The following ADIPOR1 variants were observed in gnomAD, a reference collection of about 807,000 sequenced individuals.
The protein encoded by ADIPOR1 is adiponectin receptor protein 1.
A neutral mutation model predicts 37.5 loss-of-function variants in ADIPOR1; 15 were observed. That is an observed-to-expected ratio of 0.40 (90% confidence interval 0.27 to 0.62). The LOEUF (loss-of-function observed/expected upper bound fraction) is 0.62. Among genes scored for constraint, ADIPOR1 ranks in the 20% least tolerant of loss-of-function variants. ADIPOR1 has a pLI of 0.42. For missense variants in ADIPOR1, 286 were observed against 478.0 expected, an observed-to-expected ratio of 0.60 and a Z score of 3.75; for synonymous variants, 173 against 173.2, an observed-to-expected ratio of 1.00 and a Z score of 0.01.
intron 3 of ADIPOR1, 55 bp downstream of exon 3, chr1:202,948,249 T>C: frequency 7.1e-7 from 1 of 1,413,126 alleles, no homozygotes; most frequent in Non-Finnish European, 9.6e-7. Context: ...GCTGGGGACA[T>C]CCCAGACAGG....
rs1338078809 is a variant in ADIPOR1 at position 202,948,551 on chromosome 1, G to T, written c.142-131C>A. On this transcript the variant is annotated intron_variant, in intron 2 of 7. Transcript: ENST00000340990. Reference sequence around the variant, plus strand: ...CCTCTTTCCTACAGAGGGTCTTGTGGTCTCTTCTCCAAAAGCATACACACT... The same window carrying T: ...CCTCTTTCCTACAGAGGGTCTTGTGTTCTCTTCTCCAAAAGCATACACACT... 3 of 704,794 alleles carry T rather than the reference G, an allele frequency of 4.3e-6. No individual in the cohort carries two copies. In the South Asian group the frequency reaches 4.7e-5, roughly 11 times the overall value. The allele number at this position is 704,794 out of a possible 1,614,324, so 43.7% of individuals were successfully genotyped here.
At chr1:202,944,758 A>G (rs758296745) in intron 5 of ADIPOR1, 2 of 361,546 alleles carry the variant, frequency 5.5e-6, no homozygotes, top group African/African-American at 4.1e-5. Flanking sequence ...AATATATTCC[A>G]CAATTGGTCT....
intron 5 of ADIPOR1, chr1:202,944,189 C>A: frequency 2.5e-6 from 1 of 396,034 alleles, no homozygotes; most frequent in Non-Finnish European, 4.6e-6. Flanking sequence ...CTTTCCCTTA[C>A]TAGTGAACAG....
chr1:202,941,555 C>T lies in ADIPOR1; in HGVS notation c.*18G>A, dbSNP rs1371244333. 2 of 1,595,058 alleles carry T rather than the reference C, an allele frequency of 1.3e-6. No individual in the cohort carries two copies. The highest frequency in any genetic ancestry group is 1.7e-6 in the Non-Finnish European group (2 of 1,174,428). ...AAGCACTTGGGAAGTTCCTCCTCCACCCCGCAGGTGGGAAGGCTCAGAGAA... is the reference window on the plus strand; with the variant it reads ...AAGCACTTGGGAAGTTCCTCCTCCATCCCGCAGGTGGGAAGGCTCAGAGAA... On this transcript the variant is annotated 3_prime_UTR_variant, in exon 8 of 8. Coordinates refer to ENST00000340990, the MANE Select transcript of ADIPOR1 (RefSeq NM_015999.6).
chr1:202,944,065 T>C, intron 5 of ADIPOR1, 120 bp from the exon 6 acceptor site: 1 of 896,972 alleles, frequency 1.1e-6, no homozygotes, highest in South Asian at 1.7e-5. Flanking sequence ...CAATCTATCC[T>C]GTATTGTAGA....
chr1:202,952,728 G>C (rs1008703881), intron 1 of ADIPOR1, among the ~76,000 whole-genome samples: 3 of 152,192 alleles, frequency 2.0e-5, no homozygotes, highest in African/African-American at 7.2e-5. Flanking sequence ...TCTAGCTTGA[G>C]ATGGCATAGT....
At position 202,941,391 on chromosome 1, in the gene ADIPOR1, A is replaced by G; in HGVS notation, c.*182T>C. On this transcript the variant is annotated 3_prime_UTR_variant, in exon 8 of 8. Transcript: ENST00000340990. ...ACCATGCCCCATCCCCAGCTAGGAG[A>G]ATGGAAATGGAAAGTTTATTGCCCA... 4.8e-6 allele frequency: 3 copies of G among 620,108 alleles called. No homozygotes were observed. Among genetic ancestry groups the G allele is most frequent in the Non-Finnish European group, 2.5e-6 (1 of 401,832 alleles). 38.4% of individuals were successfully genotyped at this position (620,108 alleles called of 1,614,324 possible).
At chr1:202,946,820 A>G (rs1165132480) in intron 3 of ADIPOR1, among the ~76,000 whole-genome samples, 1 of 152,076 alleles carries the variant, frequency 6.6e-6, no homozygotes, top group Non-Finnish European at 1.5e-5. Context: ...ATTAAAAAAA[A>G]AAAAAAAATC....
chr1:202,944,087 T>C (rs1402740222), intron 5 of ADIPOR1, 142 bp from the exon 6 acceptor site: 3 of 727,244 alleles, frequency 4.1e-6, no homozygotes, highest in Non-Finnish European at 6.7e-6. Context: ...TCCCATACAA[T>C]CTATCCTGTA....
intron 2 of ADIPOR1, among the ~76,000 whole-genome samples, chr1:202,949,328 C>A (rs938398923): frequency 1.3e-5 from 2 of 151,476 alleles, no homozygotes; most frequent in African/African-American, 4.8e-5. Context: ...CGCCTGTAAT[C>A]CCAGCACTTT....
Position 202,943,873 on chromosome 1 carries a change from G to T in ADIPOR1, c.690C>A (p.Cys230Ter). The T allele has an allele frequency of 6.2e-7, 1 of 1,614,156 alleles. No individual in the cohort carries two copies. The highest frequency in any genetic ancestry group is 8.5e-7 in the Non-Finnish European group (1 of 1,180,008). ...GGTAGATGAGCCGTGGCTGTGGGGA[G>T]CAGTAGAAGGAATAATAGAGCCAGG... ...FVPWLYYSFY[C>*]SPQPRLIYLS... The change falls in exon 6 of 8, where the codon TGC becomes TGA. Residue 230 changes from cysteine to a stop codon, truncating the protein, a stop_gained. Transcript: ENST00000340990. LOFTEE classifies it high-confidence loss of function.
chr1:202,942,871 CTTTT>C (rs10682231), intron 6 of ADIPOR1, among the ~76,000 whole-genome samples: 1 of 116,778 alleles, frequency 8.6e-6, no homozygotes, highest in African/African-American at 2.7e-5. Context: ...TTCTTTCTTT[CTTTT>C]TTTTTTTTGA....
chr1:202,941,078 C>G lies in ADIPOR1; in HGVS notation c.*495G>C, dbSNP rs1437766084. 1 of 152,582 alleles carries G rather than the reference C, an allele frequency of 6.6e-6. No homozygotes were observed. The highest frequency in any genetic ancestry group is 1.9e-4 in the East Asian group (1 of 5,196). 9.5% of individuals were successfully genotyped at this position (152,582 alleles called of 1,614,324 possible). ...AGTTGGTGGCTTTATTCTTCCTGCT[C>G]TATAAGCAGATCCAGGCCCTAGAAA... is the stretch of plus-strand genomic sequence containing the variant. On this transcript the variant is annotated 3_prime_UTR_variant, in exon 8 of 8. Coordinates refer to ENST00000340990, the MANE Select transcript of ADIPOR1 (RefSeq NM_015999.6).
chr1:202,950,020 T>C (rs1240254656), intron 2 of ADIPOR1, among the ~76,000 whole-genome samples: 8 of 152,010 alleles, frequency 5.3e-5, no homozygotes, highest in Admixed American at 4.6e-4. Context: ...TGGAGTGCAA[T>C]GGCACGATCT....
chr1:202,943,735 T>TGTAC, intron 6 of ADIPOR1, 23 bp downstream of exon 6: 1 of 1,610,274 alleles, frequency 6.2e-7, no homozygotes, highest in Non-Finnish European at 8.5e-7. Flanking sequence ...ACCTCTGAGG[T>TGTAC]GTACGTACAT....
chr1:202,948,155 A>T lies in ADIPOR1; in HGVS notation c.258+149T>A, dbSNP rs759710389. On this transcript the variant is annotated intron_variant, in intron 3 of 7. Coordinates refer to ENST00000340990, the MANE Select transcript of ADIPOR1 (RefSeq NM_015999.6). Reference sequence around the variant, plus strand: ...GGCAGTAAAAATTTAGCCAGTCTTCACATTGATTTACCTCATCTTAACCAA... The same window carrying T: ...GGCAGTAAAAATTTAGCCAGTCTTCTCATTGATTTACCTCATCTTAACCAA... 61 of 584,208 alleles carry T rather than the reference A, an allele frequency of 1.0e-4. No individual in the cohort carries two copies. The Middle Eastern group carries it at 3.4e-3, about 32-fold the overall frequency. 36.2% of individuals were successfully genotyped at this position (584,208 alleles called of 1,614,324 possible).
chr1:202,941,138 T>G lies in ADIPOR1; in HGVS notation c.*435A>C, dbSNP rs1043268. The G allele has an allele frequency of 2.0e-5, 3 of 153,566 alleles. No individual in the cohort carries two copies. Among genetic ancestry groups the G allele is most frequent in the African/African-American group, 7.2e-5 (3 of 41,444 alleles). 9.5% of individuals were successfully genotyped at this position (153,566 alleles called of 1,614,324 possible). On this transcript the variant is annotated 3_prime_UTR_variant, in exon 8 of 8. Transcript: ENST00000340990. ...AGGGTATATAATTGTTTTTGAAAAG[T>G]GTGCTACAAAAATGGATGGCCTGTT...
chr1:202,948,973 T>A (rs1654446932), intron 2 of ADIPOR1, among the ~76,000 whole-genome samples: 1 of 151,700 alleles, frequency 6.6e-6, no homozygotes, highest in South Asian at 2.1e-4. Flanking sequence ...GTATTTTTAG[T>A]AGAGATGGGG....
intron 4 of ADIPOR1, 21 bp downstream of exon 4, chr1:202,946,418 T>C (rs768227600): frequency 6.2e-7 from 1 of 1,613,420 alleles, no homozygotes; most frequent in Non-Finnish European, 8.5e-7. Context: ...AATTCCACCT[T>C]TCCCCATCCA....
Sources: gnomAD v4.1 joint callset for allele counts (sites outside exome capture counted in the v4.1 genomes callset) on GRCh38, gnomAD v4.1.1 for gene constraint, MANE v1.5 for transcripts, NCBI Gene and HGNC (gene_info 2026-07-23, HGNC 2026-07-21) for gene names.